INPP4B: variants seen among roughly 807,000 people sequenced by gnomAD.
The protein encoded by INPP4B is inositol polyphosphate-4-phosphatase type II B, also known as inositol polyphosphate 4-phosphatase type II.
A neutral mutation model predicts 122.5 loss-of-function variants in INPP4B; 55 were observed. The observed-to-expected ratio is 0.45, with a 90% CI of 0.36 to 0.56. The LOEUF is 0.56. Among genes scored for constraint, INPP4B ranks in the 20% least tolerant of loss-of-function variants. The pLI is 0.00. For synonymous variants in INPP4B, 403 were observed against 388.7 expected (o/e 1.04, Z -0.43); for missense variants, 1,000 against 1,097.7 (o/e 0.91, Z 1.26).
chr4:142,813,722 T>C (rs1416542531), intron 1 of INPP4B, among the ~76,000 whole-genome samples: 1 of 152,134 alleles, frequency 6.6e-6, no homozygotes, highest in African/African-American at 2.4e-5. Context: ...GAATACTAAA[T>C]CAATGATTTA....
Position 142,030,363 on chromosome 4 carries a change from A to G in INPP4B, c.2643-1449T>C, listed in dbSNP as rs1024844258. 2.4e-5 allele frequency: 34 copies of G among 1,409,490 alleles called. No individual in the cohort carries two copies. In the Middle Eastern group the frequency reaches 5.3e-4, roughly 22 times the overall value. The allele number at this position is 1,409,490 out of a possible 1,614,324, so 87.3% of individuals were successfully genotyped here. A position where few individuals can be genotyped will look rare whatever the true frequency, so the allele number is the denominator to read the frequency against. The stretch of plus-strand genomic sequence containing the variant: ...ATAGTATAGAGTTCACACAGTAAAA[A>G]AAATTCAGCCTTAAATATTCTGAAA... On this transcript the variant is annotated intron_variant, in intron 25 of 25. Coordinates refer to ENST00000262992, the MANE Select transcript of INPP4B (RefSeq NM_001101669.3).
chr4:142,575,946 A>T (rs574936358), intron 2 of INPP4B, among the ~76,000 whole-genome samples: 73 of 152,154 alleles, frequency 4.8e-4, no homozygotes, highest in Admixed American at 2.8e-3. Context: ...CTCAGGTTAC[A>T]TTTAAGAGAT....
At chr4:142,692,946 CATAG>C (rs1220341626) in intron 2 of INPP4B, among the ~76,000 whole-genome samples, 1 of 105,386 alleles carries the variant, frequency 9.5e-6, no homozygotes. Context: ...TACATAGATA[CATAG>C]ATAGAGATAG....
chr4:142,806,748 AAAG>A (rs1157386355), intron 1 of INPP4B, among the ~76,000 whole-genome samples: 26 of 143,376 alleles, frequency 1.8e-4, no homozygotes, highest in East Asian at 1.0e-3. Context: ...TGTTAAAAAA[AAAG>A]AAGAAGAAGA....
chr4:142,208,298 G>T, intron 14 of INPP4B, 127 bp downstream of exon 14: 1 of 454,192 alleles, frequency 2.2e-6, no homozygotes, highest in Non-Finnish European at 3.9e-6. Context: ...GTCATTATGA[G>T]GTTCAACTGT....
intron 8 of INPP4B, among the ~76,000 whole-genome samples, chr4:142,308,045 A>AC (rs757032188): frequency 1.3e-5 from 2 of 152,180 alleles, no homozygotes; most frequent in Non-Finnish European, 2.9e-5. Context: ...CAAGTCATTG[A>AC]ATGTTTCTCC....
At chr4:142,320,581 A>C (rs1162602419) in intron 7 of INPP4B, among the ~76,000 whole-genome samples, 2 of 152,090 alleles carry the variant, frequency 1.3e-5, no homozygotes, top group Non-Finnish European at 2.9e-5. Flanking sequence ...GATTTCCGAG[A>C]TTTTGGTGCA....
At chr4:142,356,054 A>G (rs1783501506) in intron 7 of INPP4B, among the ~76,000 whole-genome samples, 1 of 151,680 alleles carries the variant, frequency 6.6e-6, no homozygotes, top group Non-Finnish European at 1.5e-5. Flanking sequence ...TTTCATATTG[A>G]TAAGGGCAAA....
chr4:142,258,873 T>C (rs940642311), intron 11 of INPP4B, among the ~76,000 whole-genome samples: 13 of 152,194 alleles, frequency 8.5e-5, no homozygotes, highest in Non-Finnish European at 1.5e-4. Context: ...CAAAGGACTA[T>C]AAATCATGCT....
At chr4:142,245,900 GTGTATGTATACATATATA>G (rs1728062501) in intron 11 of INPP4B, among the ~76,000 whole-genome samples, 8 of 23,492 alleles carry the variant, frequency 3.4e-4, no homozygotes, top group African/African-American at 1.2e-4. Flanking sequence ...ATACATATAT[GTGTATGTATACATATATA>G]TGTGTATGTA....
intron 2 of INPP4B, among the ~76,000 whole-genome samples, chr4:142,670,577 T>G (rs1008809672): frequency 1.3e-5 from 2 of 152,048 alleles, no homozygotes; most frequent in African/African-American, 4.8e-5. Context: ...TAAATTTCAG[T>G]CATATGTAGA....
chr4:142,652,751 TAGAA>T (rs572934856), intron 2 of INPP4B, among the ~76,000 whole-genome samples: 1 of 152,122 alleles, frequency 6.6e-6, no homozygotes, highest in Non-Finnish European at 1.5e-5. Context: ...TGCTCATGGA[TAGAA>T]AGAATCAATA....
At chr4:142,324,913 C>T (rs1487442789) in intron 7 of INPP4B, among the ~76,000 whole-genome samples, 1 of 152,202 alleles carries the variant, frequency 6.6e-6, no homozygotes, top group African/African-American at 2.4e-5. Context: ...TCCAATACAA[C>T]TGCTGAAAGC....
chr4:142,422,664 C>A lies in INPP4B; in HGVS notation c.136+6509G>T, dbSNP rs199640736. 3.3e-5 allele frequency among the ~76,000 whole-genome samples: 5 copies of A among 151,912 alleles called. No individual in the cohort carries two copies. In the East Asian group the frequency reaches 9.7e-4, roughly 30 times the overall value. On this transcript the variant is annotated intron_variant, in intron 5 of 25. Coordinates refer to ENST00000262992, the MANE Select transcript of INPP4B (RefSeq NM_001101669.3). Reference sequence around the variant, plus strand: ...CTACAAAAAATAAAAATGAAAAAAACTAGCCAGGCATGGTCATGTGCACCT... The same window carrying A: ...CTACAAAAAATAAAAATGAAAAAAAATAGCCAGGCATGGTCATGTGCACCT...
intron 9 of INPP4B, among the ~76,000 whole-genome samples, chr4:142,299,388 A>T (rs1379595220): frequency 6.6e-6 from 1 of 151,746 alleles, no homozygotes; most frequent in South Asian, 2.1e-4. Flanking sequence ...CCACTGAGCT[A>T]AAGGGATCCT....
intron 1 of INPP4B, among the ~76,000 whole-genome samples, chr4:142,775,347 C>T (rs971816497): frequency 2.6e-5 from 4 of 152,130 alleles, no homozygotes; most frequent in African/African-American, 7.2e-5. Context: ...GGTAGAGTAT[C>T]AGCATATAAT....
At chr4:142,174,942 T>C (rs964800659) in intron 15 of INPP4B, among the ~76,000 whole-genome samples, 3 of 152,092 alleles carry the variant, frequency 2.0e-5, no homozygotes, top group Non-Finnish European at 2.9e-5. Context: ...AATCATCATC[T>C]AGGAACTAAT....
intron 11 of INPP4B, among the ~76,000 whole-genome samples, chr4:142,244,287 C>CTTTTTTTTTTTT (rs56945961): frequency 1.4e-5 from 1 of 73,750 alleles, no homozygotes; most frequent in African/African-American, 5.5e-5. Context: ...GTATATGTGC[C>CTTTTTTTTTTTT]TTTTTTTTTT....
intron 12 of INPP4B, among the ~76,000 whole-genome samples, chr4:142,229,611 C>G (rs17654523): frequency 0.012 from 1,842 of 152,162 alleles, 29 homozygotes; most frequent in South Asian, 0.044. Context: ...TGATCAGGAC[C>G]AAGCAACTCT....
Sources: gnomAD v4.1 joint callset for allele counts (sites outside exome capture counted in the v4.1 genomes callset) on GRCh38, gnomAD v4.1.1 for gene constraint, MANE v1.5 for transcripts, NCBI Gene and HGNC (gene_info 2026-07-23, HGNC 2026-07-21) for gene names.